ADAMTSL1: variants seen among roughly 807,000 people sequenced by gnomAD.
ADAMTSL1 encodes ADAMTS like 1.
Under a neutral mutation model 201.8 loss-of-function variants are expected in ADAMTSL1, and 126 were observed. The observed-to-expected ratio is 0.62, with a 90% CI of 0.54 to 0.72. The LOEUF (loss-of-function observed/expected upper bound fraction) is 0.72. ADAMTSL1 is among the 30% of genes least tolerant of loss of function. The pLI is 0.00. For synonymous variants in ADAMTSL1, 1,121 were observed against 903.4 expected (o/e 1.24, Z -4.32); for missense variants, 2,679 against 2,277.8 (o/e 1.18, Z -3.59).
At chr9:17,927,194 A>G (rs568830819) in intron 1 of ADAMTSL1, among the ~76,000 whole-genome samples, 55 of 152,310 alleles carry the variant, frequency 3.6e-4, no homozygotes, top group Admixed American at 1.0e-3. Flanking sequence ...TCACTTAAAC[A>G]TAATGTCCAC....
chr9:18,667,749 A>T (rs1381265188), intron 9 of ADAMTSL1, among the ~76,000 whole-genome samples: 1 of 152,184 alleles, frequency 6.6e-6, no homozygotes, highest in Non-Finnish European at 1.5e-5. Flanking sequence ...TCCAGAAATC[A>T]GCTTTCTCAT....
At chr9:18,217,112 AAG>A (rs1830083289) in intron 2 of ADAMTSL1, among the ~76,000 whole-genome samples, 1 of 152,170 alleles carries the variant, frequency 6.6e-6, no homozygotes, top group Non-Finnish European at 1.5e-5. Flanking sequence ...GCTCTAAAGG[AAG>A]AGAGAGGGGT....
At chr9:18,189,999 A>G (rs1163110121) in intron 2 of ADAMTSL1, among the ~76,000 whole-genome samples, 1 of 152,214 alleles carries the variant, frequency 6.6e-6, no homozygotes, top group Non-Finnish European at 1.5e-5. Context: ...AAAGGTTGTC[A>G]TAATGAATCT....
In ADAMTSL1 at chr9:18,717,531, G is replaced by A. The variant is rs188897684; in HGVS notation, c.1877-4005G>A. 3.3e-3 allele frequency among the ~76,000 whole-genome samples: 504 copies of A among 152,134 alleles called. 2 individuals are homozygous for A. Among genetic ancestry groups the A allele is most frequent in the Non-Finnish European group, 5.5e-3 (374 of 67,998 alleles). ...ACAATAAGCTACAAGTATCAAAGAA[G>A]CAAAGTCATCTAGAGTAGTCTACAT... On this transcript the variant is annotated intron_variant, in intron 14 of 28. Coordinates refer to ENST00000380548, the MANE Select transcript of ADAMTSL1 (RefSeq NM_001040272.6).
intron 2 of ADAMTSL1, among the ~76,000 whole-genome samples, chr9:18,279,593 A>C (rs1345201066): frequency 1.3e-5 from 2 of 151,786 alleles, no homozygotes; most frequent in African/African-American, 4.8e-5. Context: ...ACATGACACC[A>C]CCAAAGTGAA....
At chr9:18,399,874 T>C (rs1817917611) in intron 2 of ADAMTSL1, among the ~76,000 whole-genome samples, 1 of 152,146 alleles carries the variant, frequency 6.6e-6, no homozygotes, top group Non-Finnish European at 1.5e-5. Flanking sequence ...AATGTTCTTA[T>C]AATCAACTCC....
chr9:18,487,337 A>G (rs1205939563), intron 1 of ADAMTSL1, among the ~76,000 whole-genome samples: 1 of 152,218 alleles, frequency 6.6e-6, no homozygotes, highest in African/African-American at 2.4e-5. Context: ...AGCTCTTTAC[A>G]CAGCATTAGT....
At chr9:18,275,558 T>A (rs2265962) in intron 2 of ADAMTSL1, among the ~76,000 whole-genome samples, 3,792 of 152,286 alleles carry the variant, frequency 0.025, 152 homozygotes, top group African/African-American at 0.086. Context: ...ATCTGGTTTT[T>A]TTTGCCACTA....
intron 2 of ADAMTSL1, among the ~76,000 whole-genome samples, chr9:18,173,897 G>A (rs767513387): frequency 3.3e-5 from 5 of 152,110 alleles, no homozygotes; most frequent in Non-Finnish European, 7.4e-5. Flanking sequence ...AGAAATTCTT[G>A]CTAGGCATGA....
intron 23 of ADAMTSL1, among the ~76,000 whole-genome samples, chr9:18,860,810 C>T (rs1827168025): frequency 6.6e-6 from 1 of 152,128 alleles, no homozygotes. Context: ...TAATGAAATG[C>T]TAATTGTACA....
intron 3 of ADAMTSL1, among the ~76,000 whole-genome samples, chr9:18,552,719 C>G (rs1011214673): frequency 1.3e-5 from 2 of 151,594 alleles, no homozygotes; most frequent in African/African-American, 4.8e-5. Context: ...GGTAGATATA[C>G]ATTTAAAATT....
intron 4 of ADAMTSL1, among the ~76,000 whole-genome samples, chr9:18,575,022 C>T (rs373145947): frequency 6.6e-6 from 1 of 152,138 alleles, no homozygotes. Flanking sequence ...TGACTATATG[C>T]TTTTATATTT....
intron 1 of ADAMTSL1, among the ~76,000 whole-genome samples, chr9:18,053,947 C>A (rs559102345): frequency 6.6e-6 from 1 of 151,242 alleles, no homozygotes; most frequent in Non-Finnish European, 1.5e-5. Context: ...TCTGTATCAA[C>A]GTTTTGATGG....
At chr9:18,051,101 A>T (rs1052459865) in intron 1 of ADAMTSL1, among the ~76,000 whole-genome samples, 1 of 152,164 alleles carries the variant, frequency 6.6e-6, no homozygotes, top group South Asian at 2.1e-4. Context: ...GGAGATGGAG[A>T]CCATCCTGGC....
intron 2 of ADAMTSL1, among the ~76,000 whole-genome samples, chr9:18,527,863 A>AAG (rs1554696582): frequency 6.6e-6 from 1 of 151,858 alleles, no homozygotes; most frequent in African/African-American, 2.4e-5. Flanking sequence ...TTTGAATTAG[A>AAG]ATATATATAT....
At chr9:18,318,122 T>A (rs914518777) in intron 2 of ADAMTSL1, among the ~76,000 whole-genome samples, 2 of 152,252 alleles carry the variant, frequency 1.3e-5, no homozygotes, top group Non-Finnish European at 2.9e-5. Context: ...TGTCTCATGA[T>A]GCAAAGTGTG....
chr9:18,637,272 A>T (rs1472618010), intron 6 of ADAMTSL1, among the ~76,000 whole-genome samples: 3 of 152,086 alleles, frequency 2.0e-5, no homozygotes, highest in Non-Finnish European at 2.9e-5. Context: ...TTACCACTCA[A>T]ATGATTCATT....
At chr9:18,285,869 T>A (rs1041914725) in intron 2 of ADAMTSL1, among the ~76,000 whole-genome samples, 13 of 152,184 alleles carry the variant, frequency 8.5e-5, no homozygotes, top group African/African-American at 2.9e-4. Context: ...ACAATAAAAC[T>A]CACCCATTTA....
intron 15 of ADAMTSL1, among the ~76,000 whole-genome samples, chr9:18,731,994 A>G (rs1232116048): frequency 6.6e-6 from 1 of 152,180 alleles, no homozygotes. Context: ...TCAGCTGGCC[A>G]CGTTACCTCT....
Sources: allele counts gnomAD v4.1 joint callset (sites outside exome capture counted in the v4.1 genomes callset), GRCh38; gene constraint gnomAD v4.1.1; transcripts MANE v1.5; gene names NCBI Gene and HGNC (gene_info 2026-07-23, HGNC 2026-07-21).